Variants in CAMK2G observed in about 807,000 individuals in gnomAD.
CAMK2G encodes calcium/calmodulin-dependent protein kinase type II subunit gamma.
CAMK2G carries 23 observed loss-of-function variants against 88.7 expected under a neutral mutation model. The ratio of observed to expected loss-of-function variants is 0.26; its 90% CI spans 0.19 to 0.37. The LOEUF is 0.37. CAMK2G is among the 10% of genes least tolerant of loss of function. The pLI is 1.00. For missense variants in CAMK2G, 476 were observed against 780.8 expected (o/e 0.61, Z 4.65); for synonymous variants, 263 against 294.8 (o/e 0.89, Z 1.11).
intron 5 of CAMK2G, 38 bp from the exon 6 acceptor site, chr10:73,849,371 TTAAA>T: frequency 1.4e-6 from 2 of 1,453,506 alleles, no homozygotes; most frequent in Non-Finnish European, 1.9e-6. Flanking sequence ...TAGCGCAGGG[TTAAA>T]CCACCTCATC....
At chr10:73,873,494 A>T (rs2095919394) in intron 1 of CAMK2G, 14 of 1,023,020 alleles carry the variant, frequency 1.4e-5, no homozygotes, top group Non-Finnish European at 1.5e-5. Context: ...AAGGTCGGGG[A>T]AGGAAAGATT....
chr10:73,821,859 A>T (rs1300760876), intron 17 of CAMK2G, 129 bp from the exon 18 acceptor site: 2 of 738,280 alleles, frequency 2.7e-6, no homozygotes, highest in Non-Finnish European at 2.3e-6. Context: ...TTCTGCTTCC[A>T]CCCTGGCTGT....
chr10:73,848,955 G>GGA lies in CAMK2G; in HGVS notation c.517+57_517+58insTC, dbSNP rs1196672428. 3.3e-5 allele frequency: 36 copies of GGA among 1,084,096 alleles called. No homozygotes were observed. The African/African-American group carries it at 5.1e-4, about 15-fold the overall frequency. The allele number at this position is 1,084,096 out of a possible 1,614,324, so 67.2% of individuals were successfully genotyped here. On this transcript the variant is annotated intron_variant, in intron 7 of 22. Coordinates refer to ENST00000423381, the MANE Select transcript of CAMK2G (RefSeq NM_001367534.1). The surrounding 1 kb of genome is among the most constrained non-coding windows in gnomAD (Gnocchi z 4.5). Reference sequence around the variant, plus strand: ...CTTCTAGTTCTAATAGAGGAAGGCAGATCAGGAAGAGGAGGAAGGGCGGGG... The same window carrying GGA: ...CTTCTAGTTCTAATAGAGGAAGGCAGGAATCAGGAAGAGGAGGAAGGGCGGGG...
intron 2 of CAMK2G, among the ~76,000 whole-genome samples, chr10:73,871,451 G>A (rs762499916): frequency 1.3e-3 from 192 of 152,288 alleles, no homozygotes; most frequent in African/African-American, 4.2e-3. Context: ...GAGATGAAGA[G>A]AGCAAAGCAT....
chr10:73,872,862 C>T (rs920678033), intron 2 of CAMK2G, 127 bp downstream of exon 2: 106 of 744,342 alleles, frequency 1.4e-4, no homozygotes, highest in Admixed American at 3.9e-4. Flanking sequence ...CAAAGTCCAA[C>T]CAGTCTGAAA....
intron 14 of CAMK2G, among the ~76,000 whole-genome samples, chr10:73,831,393 C>T (rs1045785759): frequency 6.6e-6 from 1 of 151,844 alleles, no homozygotes. Context: ...TAAAAATTAG[C>T]TGGGTGTGGT....
chr10:73,860,618 G>A (rs1301523230), intron 3 of CAMK2G, among the ~76,000 whole-genome samples: 4 of 152,192 alleles, frequency 2.6e-5, no homozygotes, highest in Non-Finnish European at 4.4e-5. Context: ...TCACACCCCA[G>A]CCCTGAGAAG....
chr10:73,844,962 C>A (rs1167579649), intron 10 of CAMK2G, among the ~76,000 whole-genome samples: 1 of 152,166 alleles, frequency 6.6e-6, no homozygotes, highest in Admixed American at 6.5e-5. Flanking sequence ...TGTTTCTTAG[C>A]TTCTGGGTCT....
chr10:73,861,010 A>C lies in CAMK2G; in HGVS notation c.161-121T>G, dbSNP rs1263452449. 6.9e-6 allele frequency: 5 copies of C among 727,326 alleles called. No individual in the cohort carries two copies. The Admixed American group carries it at 1.1e-4, about 16-fold the overall frequency. 45.1% of individuals were successfully genotyped at this position (727,326 alleles called of 1,614,324 possible). A position where few individuals can be genotyped will look rare whatever the true frequency, so the allele number is the denominator to read the frequency against. On this transcript the variant is annotated intron_variant, in intron 2 of 22. Coordinates refer to ENST00000423381, the MANE Select transcript of CAMK2G (RefSeq NM_001367534.1). The stretch of plus-strand genomic sequence containing the variant: ...GCATTTGTGATGATTTGCTGAAGTA[A>C]TGCAGCAAGTCATGGCAATCCTGGA...
intron 14 of CAMK2G, among the ~76,000 whole-genome samples, chr10:73,836,567 G>A (rs1473996146): frequency 6.6e-6 from 1 of 152,216 alleles, no homozygotes; most frequent in Non-Finnish European, 1.5e-5. Flanking sequence ...CAGGCATGCA[G>A]AGAATGAGGG....
intron 3 of CAMK2G, among the ~76,000 whole-genome samples, chr10:73,857,684 A>G (rs2095141312): frequency 2.0e-5 from 3 of 152,172 alleles, no homozygotes. Context: ...GACAGAGTCT[A>G]TTCATTAGAG....
In CAMK2G at chr10:73,874,484, C is replaced by T. The variant is rs112018772; in HGVS notation, c.-23G>A. On this transcript the variant is annotated 5_prime_UTR_variant, in exon 1 of 23. Transcript: ENST00000423381. ...CATGCTGGCGGGCGGGCGGACGCGGCGGTGCAGCCCGCGCCGACGTCGGTG... is the reference window on the plus strand; with the variant it reads ...CATGCTGGCGGGCGGGCGGACGCGGTGGTGCAGCCCGCGCCGACGTCGGTG... The T allele has an allele frequency of 4.1e-6, 6 of 1,462,574 alleles. No homozygotes were observed. The highest frequency in any genetic ancestry group is 4.2e-5 in the Admixed American group (2 of 47,404). 90.6% of individuals were successfully genotyped at this position (1,462,574 alleles called of 1,614,324 possible). A position where few individuals can be genotyped will look rare whatever the true frequency, so the allele number is the denominator to read the frequency against.
intron 12 of CAMK2G, among the ~76,000 whole-genome samples, chr10:73,840,010 G>A (rs896007945): frequency 6.6e-6 from 1 of 152,150 alleles, no homozygotes; most frequent in Non-Finnish European, 1.5e-5. Flanking sequence ...ATGAGCCCAC[G>A]ATGAGAGTGC....
At chr10:73,849,361 T>G in intron 5 of CAMK2G, 28 bp from the exon 6 acceptor site, 2 of 1,560,330 alleles carry the variant, frequency 1.3e-6, no homozygotes, top group Non-Finnish European at 8.8e-7. Flanking sequence ...AAAGAAATGT[T>G]AGCGCAGGGT....
chr10:73,817,529 A>C lies in CAMK2G; in HGVS notation c.1389T>G (p.Ile463Met). 1 of 1,613,264 alleles carries C rather than the reference A, an allele frequency of 6.2e-7. No homozygotes were observed. The highest frequency in any genetic ancestry group is 8.5e-7 in the Non-Finnish European group (1 of 1,179,198). Residue 463 changes from isoleucine to methionine, a missense_variant, in exon 20 of 23, where the codon ATT (isoleucine) becomes ATG (methionine). By Grantham distance (10) the Ile-to-Met change is conservative. Coordinates refer to ENST00000423381, the MANE Select transcript of CAMK2G (RefSeq NM_001367534.1). ...TGATGGCTTCAATCAGCTGTTCTGTAATCTTAATGATCTCCTGTTTTCGCA... is the reference window on the plus strand; with the variant it reads ...TGATGGCTTCAATCAGCTGTTCTGTCATCTTAATGATCTCCTGTTTTCGCA... ...SAMRKQEIIK[I>M]TEQLIEAINN...
chr10:73,824,032 C>A lies in CAMK2G; in HGVS notation c.1200+8G>T. 6.2e-7 allele frequency: 1 copy of A among 1,611,428 alleles called. No homozygotes were observed. Among genetic ancestry groups the A allele is most frequent in the South Asian group, 1.1e-5 (1 of 91,008 alleles). ...GGAAAGCAGGAGGCAGGCTCAGGAG[C>A]CACTCACCTTGATCCCATCTGTAGC... is the stretch of plus-strand genomic sequence containing the variant. On this transcript the variant is annotated splice_region_variant and intron_variant, in intron 17 of 22. Coordinates refer to ENST00000423381, the MANE Select transcript of CAMK2G (RefSeq NM_001367534.1).
At chr10:73,818,690 T>C (rs1464943656) in intron 19 of CAMK2G, 1 of 454,844 alleles carries the variant, frequency 2.2e-6, no homozygotes, top group Non-Finnish European at 4.4e-6. Context: ...AGCAGCAGGT[T>C]AAGGGAAGCA....
chr10:73,820,727 C>T (rs2088168739), intron 18 of CAMK2G, among the ~76,000 whole-genome samples: 1 of 129,618 alleles, frequency 7.7e-6, no homozygotes, highest in Non-Finnish European at 1.5e-5. Context: ...GGCTGGAGTG[C>T]AATGGGGTGA....
At chr10:73,820,036 G>A (rs2087332714) in intron 18 of CAMK2G, among the ~76,000 whole-genome samples, 2 of 152,200 alleles carry the variant, frequency 1.3e-5, no homozygotes, top group South Asian at 4.1e-4. Flanking sequence ...CTCACTCACA[G>A]GGGCCTGGAG....
Sources: gnomAD v4.1 joint callset for allele counts (sites outside exome capture counted in the v4.1 genomes callset) on GRCh38, gnomAD v4.1.1 for gene constraint, Gnocchi (gnomAD v3.1) non-coding constraint, MANE v1.5 for transcripts, NCBI Gene and HGNC (gene_info 2026-07-23, HGNC 2026-07-21) for gene names.